Variants in ABHD12 observed in about 807,000 individuals in gnomAD.
ABHD12 encodes the protein lysophosphatidylserine lipase ABHD12.
Under a neutral mutation model 58.3 loss-of-function variants are expected in ABHD12, and 43 were observed. The observed-to-expected ratio is 0.74, with a 90% confidence interval of 0.58 to 0.95. ABHD12 has a LOEUF of 0.95. Ranked by LOEUF, ABHD12 falls within the 40% of genes least tolerant of loss-of-function variation. The pLI, the probability that ABHD12 is intolerant of heterozygous loss-of-function variation, is 0.00. For synonymous variants in ABHD12, 219 were observed against 211.2 expected, an observed-to-expected ratio of 1.04 and a Z score of -0.32; for missense variants, 539 against 537.2, an observed-to-expected ratio of 1.00 and a Z score of -0.03.
chr20:25,350,994 CA>C (rs2089592490), intron 1 of ABHD12, among the ~76,000 whole-genome samples: 1 of 145,688 alleles, frequency 6.9e-6, no homozygotes, highest in Non-Finnish European at 1.5e-5. Flanking sequence ...CACACACACA[CA>C]CACACACACA....
chr20:25,353,424 TGCA>T (rs2089628251), intron 1 of ABHD12, among the ~76,000 whole-genome samples: 1 of 152,212 alleles, frequency 6.6e-6, no homozygotes, highest in Non-Finnish European at 1.5e-5. Flanking sequence ...AAGCAGAATA[TGCA>T]GCATTACCTT....
chr20:25,387,258 T>C (rs1198520913), intron 1 of ABHD12, among the ~76,000 whole-genome samples: 2 of 152,086 alleles, frequency 1.3e-5, no homozygotes, highest in African/African-American at 4.8e-5. Flanking sequence ...AGAAATACAA[T>C]GCAATCAGAA....
chr20:25,386,259 C>T (rs1463912797), intron 1 of ABHD12, among the ~76,000 whole-genome samples: 3 of 145,544 alleles, frequency 2.1e-5, no homozygotes, highest in Non-Finnish European at 4.5e-5. Context: ...ATTTCTTTTT[C>T]TTTCTTTTTT....
At chr20:25,340,240 C>T (rs547881760) in intron 1 of ABHD12, among the ~76,000 whole-genome samples, 1 of 152,130 alleles carries the variant, frequency 6.6e-6, no homozygotes, top group African/African-American at 2.4e-5. Flanking sequence ...AATAACAATC[C>T]ATTACATGTT....
At chr20:25,295,320 G>A (rs896796596), downstream of ABHD12, among the ~76,000 whole-genome samples, 9 of 152,266 alleles carry the variant, frequency 5.9e-5, no homozygotes, top group South Asian at 2.1e-4. Flanking sequence ...ACTGCCCTGC[G>A]TGTGGAAGAC....
intron 1 of ABHD12, chr20:25,368,657 C>T (rs548189193): frequency 7.3e-7 from 1 of 1,364,030 alleles, no homozygotes; most frequent in Non-Finnish European, 1.0e-6. Flanking sequence ...GTGCTCAGAG[C>T]ATGAAAGTTT....
At position 25,390,575 on chromosome 20, in the gene ABHD12, C is replaced by G; in HGVS notation, c.129G>C (p.Thr43=). ...DCRLKQNLRL[T]GPAAAEPRCA... ...AGCGCGGCTCAGCCGCCGCCGGGCC[C>G]GTCAGGCGTAGGTTCTGCTTCAGGC... The change falls in exon 1 of 13, where the codon ACG becomes ACC. Residue 43 remains threonine (T), a synonymous_variant. Transcript: ENST00000339157. 2 of 1,479,618 alleles carry G rather than the reference C, an allele frequency of 1.4e-6. No homozygotes were observed. Among genetic ancestry groups the G allele is most frequent in the East Asian group, 3.0e-5 (1 of 32,972 alleles). 91.7% of individuals were successfully genotyped at this position (1,479,618 alleles called of 1,614,324 possible).
intron 1 of ABHD12, among the ~76,000 whole-genome samples, chr20:25,366,197 C>A (rs1254697951): frequency 6.6e-6 from 1 of 151,962 alleles, no homozygotes; most frequent in Non-Finnish European, 1.5e-5. Context: ...CTATGAGTTG[C>A]AAATATTTGT....
chr20:25,380,259 G>A (rs1347290216), intron 1 of ABHD12, among the ~76,000 whole-genome samples: 2 of 151,790 alleles, frequency 1.3e-5, no homozygotes, highest in African/African-American at 2.4e-5. Flanking sequence ...CCATTGAGTG[G>A]TTTCTTTTGT....
At chr20:25,389,136 A>G (rs2090135811) in intron 1 of ABHD12, among the ~76,000 whole-genome samples, 1 of 152,106 alleles carries the variant, frequency 6.6e-6, no homozygotes, top group African/African-American at 2.4e-5. Flanking sequence ...GAATTTTCCA[A>G]TTTATCTAAG....
rs370843327 is a variant in ABHD12, at chr20:25,339,267, T to C, written c.276A>G (p.Leu92=). 30 of 1,614,080 alleles carry C rather than the reference T, an allele frequency of 1.9e-5. No homozygotes were observed. Among genetic ancestry groups the C allele is most frequent in the Non-Finnish European group, 1.7e-5 (20 of 1,180,018 alleles). Residue 92 remains leucine, a synonymous_variant, in exon 2 of 13, where the codon CTA becomes CTG. Coordinates refer to ENST00000339157, the MANE Select transcript of ABHD12 (RefSeq NM_001042472.3). ...LYIAIPFLIK[L]CPGIQAKLIF... ...TCAGTTTGGCCTGTATTCCAGGACATAGTTTGATGAGAAATGGAATGGCAA... is the reference window on the plus strand; with the variant it reads ...TCAGTTTGGCCTGTATTCCAGGACACAGTTTGATGAGAAATGGAATGGCAA...
chr20:25,339,499 C>T, intron 1 of ABHD12, 148 bp from the exon 2 acceptor site: 2 of 1,398,134 alleles, frequency 1.4e-6, no homozygotes, highest in African/African-American at 2.9e-5. Flanking sequence ...TAGCCTCCCA[C>T]CTGCCTTCAC....
At chr20:25,390,292 G>C (rs2090152332) in intron 1 of ABHD12, among the ~76,000 whole-genome samples, 1 of 152,184 alleles carries the variant, frequency 6.6e-6, no homozygotes, top group Non-Finnish European at 1.5e-5. Context: ...CAGGGGGTCA[G>C]CGGCAGGGCA....
At chr20:25,358,780 C>A (rs1395126888) in intron 1 of ABHD12, among the ~76,000 whole-genome samples, 1 of 152,160 alleles carries the variant, frequency 6.6e-6, no homozygotes, top group African/African-American at 2.4e-5. Flanking sequence ...CAGGGTCAGA[C>A]AGCACTGTGC....
chr20:25,330,545 T>G (rs2089255046), intron 2 of ABHD12, among the ~76,000 whole-genome samples: 1 of 152,252 alleles, frequency 6.6e-6, no homozygotes, highest in Admixed American at 6.5e-5. Context: ...CAGTAACCTC[T>G]GCAGACTTAA....
rs375764743 is a variant in ABHD12, at chr20:25,322,928, G to T, written c.422+397C>A. ...AGTAGAGATGGGGTTTCACCTTGTCGCCAAGGCTGGTCTCAAACTCCTGGA... is the reference window on the plus strand; with the variant it reads ...AGTAGAGATGGGGTTTCACCTTGTCTCCAAGGCTGGTCTCAAACTCCTGGA... On this transcript the variant is annotated intron_variant, in intron 3 of 12. Coordinates refer to ENST00000339157, the MANE Select transcript of ABHD12 (RefSeq NM_001042472.3). Among the ~76,000 whole-genome samples the T allele has an allele frequency of 1.1e-3, 172 of 151,858 alleles. 1 individual carries two copies. The highest frequency in any genetic ancestry group is 4.0e-3 in the African/African-American group (166 of 41,418).
chr20:25,357,522 G>T (rs2089684359), intron 1 of ABHD12, among the ~76,000 whole-genome samples: 1 of 152,156 alleles, frequency 6.6e-6, no homozygotes, highest in Non-Finnish European at 1.5e-5. Flanking sequence ...TTCTCATTAG[G>T]TAGAAAAATT....
At chr20:25,316,477 C>A (rs546553545) in intron 5 of ABHD12, among the ~76,000 whole-genome samples, 4 of 151,560 alleles carry the variant, frequency 2.6e-5, no homozygotes, top group Non-Finnish European at 4.4e-5. Flanking sequence ...TCATTTTATA[C>A]ACAAGTAACG....
chr20:25,329,837 TG>T (rs2146000435), intron 2 of ABHD12, among the ~76,000 whole-genome samples: 1 of 151,936 alleles, frequency 6.6e-6, no homozygotes, highest in East Asian at 1.9e-4. Context: ...ACCTTCCGTA[TG>T]AAAAAAGGGG....
Sources: allele counts gnomAD v4.1 joint callset (sites outside exome capture counted in the v4.1 genomes callset), GRCh38; gene constraint gnomAD v4.1.1; transcripts MANE v1.5; gene names NCBI Gene and HGNC (gene_info 2026-07-23, HGNC 2026-07-21).